The following MLIP variants were observed in gnomAD, a reference collection of about 807,000 sequenced individuals.
MLIP encodes the protein muscular LMNA interacting protein.
In MLIP, 79 loss-of-function variants were observed where a neutral mutation model predicts 84.8. The ratio of observed to expected loss-of-function variants is 0.93; its 90% CI spans 0.78 to 1.12. The LOEUF (loss-of-function observed/expected upper bound fraction) is 1.12. Among genes scored for constraint, MLIP ranks in the 50% most tolerant of loss-of-function variants. The pLI is 0.00. For missense variants in MLIP, 1,257 were observed against 1,160.6 expected (o/e 1.08, Z -1.21); for synonymous variants, 504 against 463.0 (o/e 1.09, Z -1.14).
intron 3 of MLIP, among the ~76,000 whole-genome samples, chr6:54,130,436 T>G (rs1324526254): frequency 6.6e-6 from 1 of 152,104 alleles, no homozygotes. Flanking sequence ...GCCCAGAGTC[T>G]AGAGCAGAAT....
At chr6:54,265,751 C>T (rs1269136060) in intron 13 of MLIP, among the ~76,000 whole-genome samples, 199 bp from the exon 14 acceptor site, 1 of 152,046 alleles carries the variant, frequency 6.6e-6, no homozygotes, top group Non-Finnish European at 1.5e-5. Flanking sequence ...TGTAAAGGTA[C>T]AGCTGTTTGT....
chr6:54,060,083 A>T (rs979481850), intron 1 of MLIP, among the ~76,000 whole-genome samples: 5 of 75,792 alleles, frequency 6.6e-5, no homozygotes, highest in Non-Finnish European at 2.2e-4. Flanking sequence ...CTTTATAAAT[A>T]TAGAGAGAGT....
Position 54,064,114 on chromosome 6 carries a change from TAAGA to T in MLIP, c.63+45024_63+45027del. Among the ~76,000 whole-genome samples, 2 of 100,184 alleles carry T rather than the reference TAAGA, an allele frequency of 2.0e-5. 1 individual carries two copies. Among genetic ancestry groups the T allele is most frequent in the Non-Finnish European group, 5.7e-5 (2 of 34,832 alleles). 65.7% of individuals were successfully genotyped at this position (100,184 alleles called of 152,430 possible). On this transcript the variant is annotated intron_variant, in intron 1 of 12. Transcript: ENST00000274897. The stretch of plus-strand genomic sequence containing the variant: ...TATGGGAATAATTTTGACTTAAAAT[TAAGA>T]GACTGAGAAATGATAGACTCCTTTT...
At chr6:54,244,897 T>A (rs1321998430) in intron 12 of MLIP, among the ~76,000 whole-genome samples, 1 of 152,162 alleles carries the variant, frequency 6.6e-6, no homozygotes. Flanking sequence ...TTAAATAAAA[T>A]CATTCAAGAA....
At chr6:54,080,109 A>G (rs1039885872) in intron 1 of MLIP, among the ~76,000 whole-genome samples, 1 of 152,028 alleles carries the variant, frequency 6.6e-6, no homozygotes. Flanking sequence ...ACCAAACCTA[A>G]TACTCCTTCC....
chr6:54,255,621 A>G (rs905872737), intron 12 of MLIP, among the ~76,000 whole-genome samples: 3 of 152,192 alleles, frequency 2.0e-5, no homozygotes, highest in Non-Finnish European at 2.9e-5. Flanking sequence ...ATTGATTAGG[A>G]TAATCAACAC....
chr6:54,147,553 C>T (rs538300198), intron 4 of MLIP, among the ~76,000 whole-genome samples: 17 of 151,976 alleles, frequency 1.1e-4, no homozygotes, highest in South Asian at 2.1e-4. Context: ...TTGCAGAAAG[C>T]GACGTAGCTT....
chr6:54,137,689 A>C lies in MLIP; in HGVS notation c.1620A>C (p.Leu540=). 6 of 1,536,096 alleles carry C rather than the reference A, an allele frequency of 3.9e-6. No homozygotes were observed. The highest frequency in any genetic ancestry group is 5.2e-6 in the Non-Finnish European group (6 of 1,146,880). The change falls in exon 4 of 14, where the codon CTA becomes CTC. Residue 540 remains leucine, a synonymous_variant. Transcript: ENST00000502396. ...TLKSNTMLSL[L]QTSTSSSVGL... ...AGAGCAATACCATGCTCTCCCTGCT[A>C]CAAACCAGTACATCCAGTTCTGTGG...
intron 2 of MLIP, 106 bp from the exon 3 acceptor site, chr6:54,124,367 T>G (rs1376013463): frequency 9.7e-7 from 1 of 1,033,702 alleles, no homozygotes; most frequent in East Asian, 2.6e-5. Flanking sequence ...CCTAATTTAA[T>G]ATATTTTTGA....
At chr6:54,249,013 C>T (rs1033039469) in intron 12 of MLIP, among the ~76,000 whole-genome samples, 3 of 151,950 alleles carry the variant, frequency 2.0e-5, no homozygotes, top group Non-Finnish European at 2.9e-5. Flanking sequence ...AACTAAGAAC[C>T]GATATTAAGG....
At chr6:54,149,852 G>T (rs186360440) in intron 5 of MLIP, among the ~76,000 whole-genome samples, 4 of 152,152 alleles carry the variant, frequency 2.6e-5, no homozygotes, top group East Asian at 1.9e-4. Flanking sequence ...AATATGTTAC[G>T]CATGTTTAAA....
chr6:54,261,806 G>A (rs541025660), intron 13 of MLIP: 8 of 864,436 alleles, frequency 9.3e-6, no homozygotes, highest in Middle Eastern at 6.0e-4. Flanking sequence ...AGAGAAAAAG[G>A]CCCACTCTAT....
At chr6:54,187,842 A>T (rs1471448261) in intron 9 of MLIP, among the ~76,000 whole-genome samples, 2 of 152,130 alleles carry the variant, frequency 1.3e-5, no homozygotes, top group East Asian at 3.9e-4. Context: ...ATCTCTAATT[A>T]AAAAAATACA....
chr6:54,250,682 C>G (rs1782414439), intron 12 of MLIP, among the ~76,000 whole-genome samples: 1 of 152,080 alleles, frequency 6.6e-6, no homozygotes. Context: ...CAGTTTCTGA[C>G]ATCTCTCTCA....
chr6:54,207,174 G>C (rs1165554176), intron 11 of MLIP, among the ~76,000 whole-genome samples: 2 of 151,676 alleles, frequency 1.3e-5, no homozygotes, highest in Non-Finnish European at 2.9e-5. Context: ...AAGTCCTTAT[G>C]AGTTTTCTCT....
chr6:54,242,917 C>T (rs1404764105), intron 12 of MLIP, among the ~76,000 whole-genome samples: 2 of 152,116 alleles, frequency 1.3e-5, no homozygotes, highest in African/African-American at 4.8e-5. Context: ...TCTAGGAACT[C>T]AGGAGTCTGG....
At chr6:54,223,151 C>T (rs914272456) in intron 11 of MLIP, among the ~76,000 whole-genome samples, 1 of 151,618 alleles carries the variant, frequency 6.6e-6, no homozygotes, top group African/African-American at 2.4e-5. Context: ...TTTATATAGA[C>T]AGTTTGCAAA....
intron 1 of MLIP, among the ~76,000 whole-genome samples, chr6:54,076,532 T>C (rs1332603407): frequency 6.6e-6 from 1 of 152,206 alleles, no homozygotes; most frequent in Non-Finnish European, 1.5e-5. Context: ...TGGGGTTTAA[T>C]TAGTGGAAAT....
intron 5 of MLIP, 112 bp from the exon 6 acceptor site, chr6:54,160,255 A>ATTT: frequency 1.2e-6 from 1 of 802,920 alleles, no homozygotes. Flanking sequence ...CAAATACTGT[A>ATTT]AATATTTTTT....
Sources: allele counts gnomAD v4.1 joint callset (sites outside exome capture counted in the v4.1 genomes callset), GRCh38; gene constraint gnomAD v4.1.1; transcripts MANE v1.5; gene names NCBI Gene and HGNC (gene_info 2026-07-23, HGNC 2026-07-21).